Variants in SLC43A2 observed in about 807,000 individuals in gnomAD.
SLC43A2 encodes large neutral amino acids transporter small subunit 4.
Under a neutral mutation model 63.2 loss-of-function variants are expected in SLC43A2, and 38 were observed. The ratio of observed to expected loss-of-function variants is 0.60; its 90% confidence interval spans 0.46 to 0.79. The LOEUF (loss-of-function observed/expected upper bound fraction) is 0.79. Ranked by LOEUF, SLC43A2 falls within the 30% of genes least tolerant of loss-of-function variation. The probability of loss-of-function intolerance (pLI) is 0.00; values close to 1 mark genes in which losing one functional copy is unlikely to be tolerated. For synonymous variants in SLC43A2, 322 were observed against 331.0 expected (o/e 0.97, Z 0.30); for missense variants, 644 against 756.2 (o/e 0.85, Z 1.74).
chr17:1,581,858 T>C (rs139836944), intron 11 of SLC43A2, among the ~76,000 whole-genome samples: 4,493 of 150,468 alleles, frequency 0.03, 219 homozygotes, highest in African/African-American at 0.1. Context: ...CAGGCTGGAG[T>C]GCAGTGGCGC....
intron 11 of SLC43A2, among the ~76,000 whole-genome samples, chr17:1,580,484 A>AGCAG (rs1173112934): frequency 1.3e-5 from 2 of 152,180 alleles, no homozygotes; most frequent in African/African-American, 4.8e-5. Flanking sequence ...CGGCCCTCCC[A>AGCAG]GCAGGTGGCT....
Position 1,613,288 on chromosome 17 carries a change from A to G in SLC43A2, c.425-17T>C. 4 of 1,613,818 alleles carry G rather than the reference A, an allele frequency of 2.5e-6. No homozygotes were observed. The highest frequency in any genetic ancestry group is 3.4e-6 in the Non-Finnish European group (4 of 1,179,844). Reference sequence around the variant, plus strand: ...CGGAGAGAGCTGCAGGGACATGGAAAGCTCGTGAGTGGAGACCCCAGCTGA... The same window carrying G: ...CGGAGAGAGCTGCAGGGACATGGAAGGCTCGTGAGTGGAGACCCCAGCTGA... On this transcript the variant is annotated splice_polypyrimidine_tract_variant and intron_variant, in intron 4 of 13. Coordinates refer to ENST00000301335, the MANE Select transcript of SLC43A2 (RefSeq NM_152346.3).
Position 1,605,791 on chromosome 17 carries a change from C to T in SLC43A2, c.501+7404G>A, listed in dbSNP as rs1049877842. ...TGGGCTGTTTCCTACCCACAACAAC[C>T]GGGCACCTCCAAGCACATGCTGCCC... On this transcript the variant is annotated intron_variant, in intron 5 of 13. Transcript: ENST00000301335. This position sits in a 1 kb window ranked among gnomAD's most constrained non-coding sequence, Gnocchi z 4.9. Among the ~76,000 whole-genome samples the T allele has an allele frequency of 8.5e-5, 13 of 152,164 alleles. No individual in the cohort carries two copies. Among genetic ancestry groups the T allele is most frequent in the East Asian group, 5.8e-4 (3 of 5,196 alleles).
rs1263563504 is a variant in SLC43A2, at chr17:1,575,560, C to T, written c.*44G>A. On this transcript the variant is annotated 3_prime_UTR_variant, in exon 14 of 14. Transcript: ENST00000301335. ...CTGGAGGGGCAGGACAGGGGTCAGT[C>T]ACTGAAGCACAGGCAGGAGACCGCA... 25 of 1,613,390 alleles carry T rather than the reference C, an allele frequency of 1.5e-5. No homozygotes were observed. Among genetic ancestry groups the T allele is most frequent in the African/African-American group, 2.7e-5 (2 of 75,026 alleles).
In SLC43A2 at chr17:1,583,144, T is replaced by C; in HGVS notation, c.1350+60A>G. ...ATGAAACATTACACACTTTTGAGTC[T>C]TTACATGTTCCTTCTGACTGCCCCA... On this transcript the variant is annotated intron_variant, in intron 11 of 13. Transcript: ENST00000301335. This position sits in a 1 kb window ranked among gnomAD's most constrained non-coding sequence, Gnocchi z 5.5. 1 of 1,566,136 alleles carries C rather than the reference T, an allele frequency of 6.4e-7. No homozygotes were observed. The highest frequency in any genetic ancestry group is 8.8e-7 in the Non-Finnish European group (1 of 1,141,098).
chr17:1,591,471 C>T lies in SLC43A2; in HGVS notation c.729G>A (p.Ser243=), dbSNP rs556668553. ...CCAGCCAGCTGAACTTGATCTTCAC[C>T]CTGGGGCCCCGGGAGAGTGTCTGTG... ...PFPGPEDMDY[S]VKIKFSWLGF... The change falls in exon 8 of 14, where the codon TCG becomes TCA. Residue 243 remains serine (S), a splice_region_variant and synonymous_variant. Transcript: ENST00000301335. The T allele has an allele frequency of 3.9e-5, 63 of 1,612,940 alleles. No individual in the cohort carries two copies. In the Middle Eastern group the frequency reaches 1.2e-3, roughly 30 times the overall value.
intron 5 of SLC43A2, among the ~76,000 whole-genome samples, chr17:1,604,202 C>T (rs530024246): frequency 0.048 from 5,061 of 105,942 alleles, 284 homozygotes; most frequent in African/African-American, 0.14. Flanking sequence ...CACTACGCCA[C>T]GATGCCCAGC....
intron 12 of SLC43A2, among the ~76,000 whole-genome samples, chr17:1,576,974 C>T (rs2075943975): frequency 6.6e-6 from 1 of 151,974 alleles, no homozygotes; most frequent in Non-Finnish European, 1.5e-5. Context: ...AAACAATTCT[C>T]CTGCCTCAGC....
At chr17:1,612,461 T>G (rs1372636408) in intron 5 of SLC43A2, among the ~76,000 whole-genome samples, 1 of 152,152 alleles carries the variant, frequency 6.6e-6, no homozygotes, top group Non-Finnish European at 1.5e-5. Context: ...CCCTGCATTT[T>G]CCATCTGGCT....
At chr17:1,620,851 A>T (rs1466091212) in intron 2 of SLC43A2, among the ~76,000 whole-genome samples, 1 of 152,076 alleles carries the variant, frequency 6.6e-6, no homozygotes, top group East Asian at 1.9e-4. Context: ...AGACAAACAG[A>T]TTAAGCACCC....
intron 5 of SLC43A2, among the ~76,000 whole-genome samples, chr17:1,594,649 T>G (rs12946735): frequency 0.95 from 128,332 of 135,458 alleles, 60,938 homozygotes; most frequent in South Asian, 0.99. Flanking sequence ...CTGCAGTGGC[T>G]CTATCTCGGC....
At chr17:1,614,199 C>T (rs1188125991) in intron 4 of SLC43A2, among the ~76,000 whole-genome samples, 2 of 151,968 alleles carry the variant, frequency 1.3e-5, no homozygotes, top group African/African-American at 4.8e-5. Context: ...GCTGAGATTG[C>T]GCCATTGCAC....
chr17:1,613,959 T>C (rs964035206), intron 4 of SLC43A2, among the ~76,000 whole-genome samples: 2 of 151,822 alleles, frequency 1.3e-5, no homozygotes, highest in Non-Finnish European at 2.9e-5. Context: ...ATTAGCCAGG[T>C]GAAGCCAGGC....
In SLC43A2 at chr17:1,577,274, G is replaced by C. The variant is rs2075948556; in HGVS notation, c.1425-554C>G. On this transcript the variant is annotated intron_variant, in intron 12 of 13. Coordinates refer to ENST00000301335, the MANE Select transcript of SLC43A2 (RefSeq NM_152346.3). This position sits in a 1 kb window ranked among gnomAD's most constrained non-coding sequence, Gnocchi z 4.9. ...CCAGGGCCTGTGGGTGTCTGGCTGAGCCGAGTGGAAAGCGTGGTGCCAGCG... is the reference window on the plus strand; with the variant it reads ...CCAGGGCCTGTGGGTGTCTGGCTGACCCGAGTGGAAAGCGTGGTGCCAGCG... 1.3e-5 allele frequency among the ~76,000 whole-genome samples: 2 copies of C among 152,230 alleles called. No homozygotes were observed. Among genetic ancestry groups the C allele is most frequent in the South Asian group, 4.1e-4 (2 of 4,836 alleles).
intron 5 of SLC43A2, among the ~76,000 whole-genome samples, chr17:1,594,867 C>T (rs143754526): frequency 0.32 from 48,469 of 151,382 alleles, 8,125 homozygotes; most frequent in South Asian, 0.42. Flanking sequence ...GGATTACAGG[C>T]GTGAGCCACC....
intron 3 of SLC43A2, among the ~76,000 whole-genome samples, chr17:1,615,287 T>G (rs1055232222): frequency 9.2e-5 from 14 of 151,872 alleles, no homozygotes. Flanking sequence ...TTTTTTTATT[T>G]TTAGTGGAGA....
chr17:1,585,272 G>T, intron 10 of SLC43A2: 1 of 1,004,052 alleles, frequency 1.0e-6, no homozygotes, highest in Non-Finnish European at 1.2e-6. Flanking sequence ...AGACAGTCTT[G>T]CTCTGTTGCC....
chr17:1,602,183 T>C (rs1906115923), intron 5 of SLC43A2, among the ~76,000 whole-genome samples: 1 of 152,164 alleles, frequency 6.6e-6, no homozygotes. Flanking sequence ...GTTTTAATTA[T>C]TTTTATAGAG....
intron 5 of SLC43A2, among the ~76,000 whole-genome samples, chr17:1,607,927 C>T (rs796176623): frequency 5.3e-5 from 8 of 152,010 alleles, no homozygotes; most frequent in African/African-American, 1.7e-4. Context: ...TGTTGGCCAG[C>T]CTGCTCTCAA....
Sources: gnomAD v4.1 joint callset for allele counts (sites outside exome capture counted in the v4.1 genomes callset) on GRCh38, gnomAD v4.1.1 for gene constraint, Gnocchi (gnomAD v3.1) non-coding constraint, MANE v1.5 for transcripts, NCBI Gene and HGNC (gene_info 2026-07-23, HGNC 2026-07-21) for gene names.